Variants in LRP1B observed in about 807,000 individuals in gnomAD.
LRP1B encodes the protein low-density lipoprotein receptor-related protein 1B.
Under a neutral mutation model 556.6 loss-of-function variants are expected in LRP1B, and 217 were observed. The ratio of observed to expected loss-of-function variants is 0.39; its 90% CI spans 0.35 to 0.44. The LOEUF (loss-of-function observed/expected upper bound fraction) is 0.44. Ranked by LOEUF, LRP1B falls within the 20% of genes least tolerant of loss-of-function variation. The pLI is 1.00. For missense variants in LRP1B, 5,053 were observed against 5,620.8 expected (o/e 0.90, Z 3.23); for synonymous variants, 2,047 against 1,865.8 (o/e 1.10, Z -2.50).
At chr2:141,261,151 GT>G (rs1413885953) in intron 3 of LRP1B, among the ~76,000 whole-genome samples, 4 of 152,054 alleles carry the variant, frequency 2.6e-5, no homozygotes, top group Non-Finnish European at 2.9e-5. Flanking sequence ...TCTTACCCCT[GT>G]TTCTTTGGCC....
intron 58 of LRP1B, among the ~76,000 whole-genome samples, chr2:140,486,641 T>A (rs1300026445): frequency 6.6e-6 from 1 of 151,842 alleles, no homozygotes; most frequent in African/African-American, 2.4e-5. Context: ...TAATGAAATA[T>A]ATGATCAAGT....
chr2:141,962,777 A>G (rs1701438420), intron 1 of LRP1B, among the ~76,000 whole-genome samples: 1 of 151,872 alleles, frequency 6.6e-6, no homozygotes, highest in South Asian at 2.1e-4. Flanking sequence ...TAATAGCTTC[A>G]TATGCTACTT....
rs539876192 is a variant in LRP1B, at chr2:140,245,280, T to C, written c.13324+1806A>G. ...TGTAATTAAAACCAGTTTCTTACATTTGCCCATACAAATCGTTGGAGACCC... is the reference window on the plus strand; with the variant it reads ...TGTAATTAAAACCAGTTTCTTACATCTGCCCATACAAATCGTTGGAGACCC... On this transcript the variant is annotated intron_variant, in intron 87 of 90. Transcript: ENST00000389484. 2.0e-5 allele frequency among the ~76,000 whole-genome samples: 3 copies of C among 151,420 alleles called. No individual in the cohort carries two copies. The East Asian group carries it at 5.9e-4, about 30-fold the overall frequency.
chr2:140,899,097 C>T lies in LRP1B; in HGVS notation c.3766+3823G>A, dbSNP rs190773645. The T allele has an allele frequency of 8.2e-5, 19 of 231,856 alleles. No individual in the cohort carries two copies. The East Asian group carries it at 1.2e-3, about 14-fold the overall frequency. 14.4% of individuals were successfully genotyped at this position (231,856 alleles called of 1,614,324 possible). ...ATAAGTACATGGAGAGGTTCATGGC[C>T]ACCAAGAAGTTGCATGAAGTTCTCC... On this transcript the variant is annotated intron_variant, in intron 23 of 90. Coordinates refer to ENST00000389484, the MANE Select transcript of LRP1B (RefSeq NM_018557.3).
intron 2 of LRP1B, among the ~76,000 whole-genome samples, chr2:141,622,997 C>T (rs62166515): frequency 0.036 from 5,433 of 152,236 alleles, 135 homozygotes; most frequent in Non-Finnish European, 0.055. Flanking sequence ...TGATTATCAG[C>T]ATAACACATA....
At chr2:140,315,191 T>TC in intron 82 of LRP1B, 92 bp from the exon 83 acceptor site, 1 of 828,768 alleles carries the variant, frequency 1.2e-6, no homozygotes, top group Non-Finnish European at 1.8e-6. Context: ...AATACTAGGA[T>TC]CTTGTGTTTC....
At chr2:141,625,047 C>T (rs1574156926) in intron 2 of LRP1B, among the ~76,000 whole-genome samples, 2 of 152,170 alleles carry the variant, frequency 1.3e-5, no homozygotes, top group South Asian at 4.1e-4. Context: ...GGATTACAGG[C>T]GTGAGCCACC....
At chr2:142,096,439 A>AT (rs10631216) in intron 1 of LRP1B, among the ~76,000 whole-genome samples, 12,308 of 146,782 alleles carry the variant, frequency 0.084, 782 homozygotes, top group African/African-American at 0.18. Context: ...AATAAATTGT[A>AT]TTTTTTTTTT....
chr2:140,993,861 AG>A (rs1431640122), intron 16 of LRP1B, 133 bp downstream of exon 16: 6 of 847,756 alleles, frequency 7.1e-6, no homozygotes, highest in Non-Finnish European at 1.1e-5. Flanking sequence ...TTTATGCAAA[AG>A]GATGACTGAA....
chr2:141,580,417 AT>A (rs1686924450), intron 2 of LRP1B, among the ~76,000 whole-genome samples: 1 of 152,220 alleles, frequency 6.6e-6, no homozygotes. Flanking sequence ...TCTCTAAATA[AT>A]TTGATCAACT....
intron 18 of LRP1B, among the ~76,000 whole-genome samples, chr2:140,980,143 A>G (rs1696724890): frequency 6.6e-6 from 1 of 152,184 alleles, no homozygotes; most frequent in Non-Finnish European, 1.5e-5. Flanking sequence ...AAGACCTAAT[A>G]GAAGTTCTTT....
intron 87 of LRP1B, among the ~76,000 whole-genome samples, chr2:140,246,123 G>A (rs941461504): frequency 2.6e-5 from 4 of 151,306 alleles, no homozygotes; most frequent in Non-Finnish European, 5.9e-5. Context: ...TGGGAAGCCT[G>A]CTTCTAGGGT....
intron 2 of LRP1B, among the ~76,000 whole-genome samples, chr2:141,590,891 G>T (rs1288041041): frequency 6.6e-6 from 1 of 152,136 alleles, no homozygotes; most frequent in African/African-American, 2.4e-5. Context: ...CCTTTCCGTT[G>T]TTCCTGTGTG....
intron 11 of LRP1B, among the ~76,000 whole-genome samples, chr2:141,033,324 C>T (rs549863755): frequency 6.6e-5 from 10 of 151,856 alleles, no homozygotes; most frequent in East Asian, 2.0e-4. Context: ...ACGTGGTGAG[C>T]GCTAAGAACT....
chr2:141,074,069 C>T (rs565145184), intron 7 of LRP1B, among the ~76,000 whole-genome samples: 1 of 152,108 alleles, frequency 6.6e-6, no homozygotes, highest in East Asian at 1.9e-4. Context: ...CCAACAATGG[C>T]GAACATGAGC....
At chr2:140,767,954 T>A (rs373017043) in intron 35 of LRP1B, among the ~76,000 whole-genome samples, 1 of 151,898 alleles carries the variant, frequency 6.6e-6, no homozygotes, top group African/African-American at 2.4e-5. Flanking sequence ...AAAATGCAGG[T>A]ACATAAGAGA....
chr2:141,155,745 T>G (rs1324546935), intron 7 of LRP1B, among the ~76,000 whole-genome samples: 2 of 152,186 alleles, frequency 1.3e-5, no homozygotes, highest in Non-Finnish European at 2.9e-5. Context: ...AGAATTTTAC[T>G]GAAGTCTTCT....
At chr2:140,817,928 A>C (rs1039476721) in intron 31 of LRP1B, among the ~76,000 whole-genome samples, 12 of 152,178 alleles carry the variant, frequency 7.9e-5, no homozygotes, top group African/African-American at 2.9e-4. Flanking sequence ...AGTTATTTTA[A>C]AATATTGATC....
In LRP1B at chr2:140,450,346, C is replaced by T. The variant is rs75403963; in HGVS notation, c.10057+222G>A. Reference sequence around the variant, plus strand: ...TTTGAGAAAGAAACAAAATCTAACACGAATGGCTTATGGCACCATTCTAAG... The same window carrying T: ...TTTGAGAAAGAAACAAAATCTAACATGAATGGCTTATGGCACCATTCTAAG... On this transcript the variant is annotated intron_variant, in intron 63 of 90. Coordinates refer to ENST00000389484, the MANE Select transcript of LRP1B (RefSeq NM_018557.3). Among the ~76,000 whole-genome samples the T allele has an allele frequency of 0.068, 10,359 of 152,094 alleles. 443 individuals are homozygous for T. Among genetic ancestry groups the T allele is most frequent in the African/African-American group, 0.098 (4,059 of 41,498 alleles).
Sources: allele counts gnomAD v4.1 joint callset (sites outside exome capture counted in the v4.1 genomes callset), GRCh38; gene constraint gnomAD v4.1.1; transcripts MANE v1.5; gene names NCBI Gene and HGNC (gene_info 2026-07-23, HGNC 2026-07-21).